Variants in GAB2 observed in about 807,000 individuals in gnomAD.
GAB2 encodes the protein GRB2-associated-binding protein 2.
A neutral mutation model predicts 65.5 loss-of-function variants in GAB2; 26 were observed. The observed-to-expected ratio is 0.40, with a 90% CI of 0.29 to 0.55. GAB2 has a LOEUF of 0.55. Among genes scored for constraint, GAB2 ranks in the 20% least tolerant of loss-of-function variants. The probability of loss-of-function intolerance (pLI) is 0.53; values close to 1 mark genes in which losing one functional copy is unlikely to be tolerated. For synonymous variants in GAB2, 321 were observed against 329.6 expected, an observed-to-expected ratio of 0.97 and a Z score of 0.28; for missense variants, 884 against 875.8, an observed-to-expected ratio of 1.01 and a Z score of -0.12.
At chr11:78,231,511 G>T (rs1864853488) in intron 3 of GAB2, among the ~76,000 whole-genome samples, 1 of 152,146 alleles carries the variant, frequency 6.6e-6, no homozygotes, top group South Asian at 2.1e-4. Flanking sequence ...CACTGCACCT[G>T]GCTAATTTTT....
rs898481543 is a variant in GAB2 at position 78,230,553 on chromosome 11, G to C, written c.621-3502C>G. Reference sequence around the variant, plus strand: ...ACTCACCTTATTCTGCCTTATGTCAGTTATTCAGGTCTGTGTCTTTCCACT... The same window carrying C: ...ACTCACCTTATTCTGCCTTATGTCACTTATTCAGGTCTGTGTCTTTCCACT... On this transcript the variant is annotated intron_variant, in intron 3 of 9. Transcript: ENST00000361507. Among the ~76,000 whole-genome samples the C allele has an allele frequency of 4.6e-5, 7 of 152,238 alleles. No individual in the cohort carries two copies. The East Asian group carries it at 1.3e-3, about 29-fold the overall frequency.
Position 78,280,844 on chromosome 11 carries a change from C to T in GAB2, c.133G>A (p.Val45Ile), listed in dbSNP as rs1386791584. The change falls in exon 2 of 10, where the codon GTT (valine) becomes ATT (isoleucine). Residue 45 changes from valine (V) to isoleucine (I), a missense_variant. Coordinates refer to ENST00000361507, the MANE Select transcript of GAB2 (RefSeq NM_080491.3). ...TGATCGTTCTTGTAGTATTCCAGAA[C>T]ATCTGGGTCACCGCTCATCCGGCCA... ...RSGRMSGDPD[V>I]LEYYKNDHSK... is the part of the protein sequence containing the mutation. 1.2e-6 allele frequency: 2 copies of T among 1,614,078 alleles called. No individual in the cohort carries two copies. Among genetic ancestry groups the T allele is most frequent in the Admixed American group, 1.7e-5 (1 of 60,016 alleles).
At chr11:78,296,722 G>C (rs1476628321) in intron 1 of GAB2, among the ~76,000 whole-genome samples, 1 of 152,214 alleles carries the variant, frequency 6.6e-6, no homozygotes. Flanking sequence ...CTGTCCATGT[G>C]AATGTCTGAG....
intron 5 of GAB2, among the ~76,000 whole-genome samples, chr11:78,224,629 T>G (rs1864567939): frequency 6.6e-6 from 1 of 152,224 alleles, no homozygotes; most frequent in Non-Finnish European, 1.5e-5. Context: ...AGCCAGGCCC[T>G]GGTCTTCTTG....
chr11:78,251,865 G>GC (rs1265925605), intron 2 of GAB2, among the ~76,000 whole-genome samples: 8 of 152,144 alleles, frequency 5.3e-5, no homozygotes, highest in Admixed American at 3.3e-4. Context: ...ACCATTATAG[G>GC]CCCAGCATTT....
At chr11:78,380,633 TC>T (rs1856685581) in intron 1 of GAB2, among the ~76,000 whole-genome samples, 1 of 152,220 alleles carries the variant, frequency 6.6e-6, no homozygotes, top group Non-Finnish European at 1.5e-5. Context: ...CTATCACACT[TC>T]CAAGTCCACT....
At chr11:78,259,518 C>T (rs1327193652) in intron 2 of GAB2, among the ~76,000 whole-genome samples, 1 of 152,116 alleles carries the variant, frequency 6.6e-6, no homozygotes, top group Non-Finnish European at 1.5e-5. Flanking sequence ...AAGACTGGAT[C>T]CAAAGCTCCA....
chr11:78,239,679 C>G (rs1286418887), intron 3 of GAB2, among the ~76,000 whole-genome samples: 1 of 152,146 alleles, frequency 6.6e-6, no homozygotes, highest in Non-Finnish European at 1.5e-5. Flanking sequence ...CAGTTTGGAA[C>G]AAGGACGAAG....
At chr11:78,247,261 T>C (rs1053875446) in intron 3 of GAB2, among the ~76,000 whole-genome samples, 5 of 152,220 alleles carry the variant, frequency 3.3e-5, no homozygotes, top group Non-Finnish European at 5.9e-5. Context: ...TATTGCACTT[T>C]GGATTTTGTC....
chr11:78,250,401 C>G lies in GAB2; in HGVS notation c.377-1G>C, dbSNP rs1865420848. 1 of 1,612,372 alleles carries G rather than the reference C, an allele frequency of 6.2e-7. No individual in the cohort carries two copies. Among genetic ancestry groups the G allele is most frequent in the Non-Finnish European group, 8.5e-7 (1 of 1,178,934 alleles). On this transcript the variant is annotated splice_acceptor_variant, in intron 2 of 9. Transcript: ENST00000361507. LOFTEE classifies it high-confidence loss of function. ...GCTGAGGAAACATTTCTCAGGGAGTCTGAAAAGGAGAAATAGCTCTGTGAA... is the reference window on the plus strand; with the variant it reads ...GCTGAGGAAACATTTCTCAGGGAGTGTGAAAAGGAGAAATAGCTCTGTGAA...
chr11:78,397,001 A>G (rs1856910551), intron 1 of GAB2, among the ~76,000 whole-genome samples: 1 of 152,234 alleles, frequency 6.6e-6, no homozygotes, highest in Admixed American at 6.5e-5. Context: ...GGAAAAAGAG[A>G]CTAGGAAATA....
chr11:78,370,178 A>C (rs1856548584), intron 1 of GAB2, among the ~76,000 whole-genome samples: 1 of 148,072 alleles, frequency 6.8e-6, no homozygotes, highest in African/African-American at 2.5e-5. Context: ...AATGGCGTGA[A>C]CCCGGGAGGC....
intron 2 of GAB2, among the ~76,000 whole-genome samples, chr11:78,264,035 A>G (rs2511175): frequency 0.16 from 24,505 of 152,084 alleles, 2,442 homozygotes; most frequent in East Asian, 0.4. Context: ...AAATTCTCTA[A>G]AAAGTCCAAC....
Position 78,217,776 on chromosome 11 carries a change from G to C in GAB2, c.*1496C>G, listed in dbSNP as rs1173253567. 6.6e-6 allele frequency: 1 copy of C among 151,978 alleles called. No individual in the cohort carries two copies. Among genetic ancestry groups the C allele is most frequent in the African/African-American group, 2.4e-5 (1 of 41,122 alleles). 9.4% of individuals were successfully genotyped at this position (151,978 alleles called of 1,614,324 possible). ...GTCCAAGATGGCTCCTGGAATGCTA[G>C]GGAGCAACAGAGGGCGGATGAGCTG... On this transcript the variant is annotated 3_prime_UTR_variant, in exon 10 of 10. Transcript: ENST00000361507.
chr11:78,370,382 A>G (rs1177234548), intron 1 of GAB2, among the ~76,000 whole-genome samples: 2 of 152,244 alleles, frequency 1.3e-5, no homozygotes, highest in Non-Finnish European at 2.9e-5. Flanking sequence ...GTATTCAAAT[A>G]TTACCTGATT....
At chr11:78,220,851 G>A (rs1409154420) in intron 8 of GAB2, among the ~76,000 whole-genome samples, 2 of 152,164 alleles carry the variant, frequency 1.3e-5, no homozygotes, top group Non-Finnish European at 2.9e-5. Context: ...GCTTGCTGGC[G>A]CTTAAGAAAG....
chr11:78,314,968 T>C (rs1407393098), intron 1 of GAB2, among the ~76,000 whole-genome samples: 1 of 152,146 alleles, frequency 6.6e-6, no homozygotes, highest in Non-Finnish European at 1.5e-5. Context: ...CAGTGAGAAC[T>C]AACATGACTC....
chr11:78,268,139 T>C (rs916301840), intron 2 of GAB2, among the ~76,000 whole-genome samples: 12 of 152,172 alleles, frequency 7.9e-5, no homozygotes, highest in African/African-American at 2.9e-4. Context: ...TCCTCTGCTA[T>C]ACTCAAAGTG....
In GAB2 at chr11:78,219,371, A is replaced by T. The variant is rs2134449301; in HGVS notation, c.1932T>A (p.Val644=). 2 of 1,613,822 alleles carry T rather than the reference A, an allele frequency of 1.2e-6. No homozygotes were observed. The highest frequency in any genetic ancestry group is 8.5e-7 in the Non-Finnish European group (1 of 1,179,874). The stretch of plus-strand genomic sequence containing the variant: ...CCTGGGTCTTCTCCTTGTCCACCTG[A>T]ACGTAGTCCACCTTCTCATCAGAGG... ...SVTSDEKVDY[V]QVDKEKTQAL... Residue 644 remains valine, a synonymous_variant, in exon 10 of 10, where the codon GTT becomes GTA. Transcript: ENST00000361507.
Sources: gnomAD v4.1 joint callset for allele counts (sites outside exome capture counted in the v4.1 genomes callset) on GRCh38, gnomAD v4.1.1 for gene constraint, MANE v1.5 for transcripts, NCBI Gene and HGNC (gene_info 2026-07-23, HGNC 2026-07-21) for gene names.